Variants in UBE2R2 observed in about 807,000 individuals in gnomAD.
The protein encoded by UBE2R2 is ubiquitin conjugating enzyme E2 R2, also known as ubiquitin-conjugating enzyme E2 R2.
Under a neutral mutation model 27.8 loss-of-function variants are expected in UBE2R2, and 1 was observed. The ratio of observed to expected loss-of-function variants is 0.04; its 90% CI spans 0.01 to 0.17. UBE2R2 has a LOEUF of 0.17. Among genes scored for constraint, UBE2R2 ranks in the 10% least tolerant of loss-of-function variants. The pLI is 1.00. For missense variants in UBE2R2, 100 were observed against 291.0 expected (o/e 0.34, Z 4.78); for synonymous variants, 106 against 113.3 (o/e 0.94, Z 0.41).
At chr9:33,837,414 C>T (rs1301238843) in intron 1 of UBE2R2, among the ~76,000 whole-genome samples, 1 of 139,176 alleles carries the variant, frequency 7.2e-6, no homozygotes, top group Non-Finnish European at 1.5e-5. Context: ...TAGGCAGCTG[C>T]TGCTTCTTTT....
At chr9:33,889,733 G>A (rs1232413194) in intron 2 of UBE2R2, among the ~76,000 whole-genome samples, 1 of 152,158 alleles carries the variant, frequency 6.6e-6, no homozygotes, top group Non-Finnish European at 1.5e-5. Context: ...TGTCACCCAG[G>A]CTGGAGTGTG....
chr9:33,824,594 G>A (rs145628274), intron 1 of UBE2R2, among the ~76,000 whole-genome samples: 7 of 147,782 alleles, frequency 4.7e-5, no homozygotes, highest in South Asian at 2.2e-4. Flanking sequence ...AACTGATATC[G>A]AGGCACTGCT....
intron 1 of UBE2R2, among the ~76,000 whole-genome samples, chr9:33,819,344 G>A (rs1406778585): frequency 6.6e-6 from 1 of 152,120 alleles, no homozygotes; most frequent in Non-Finnish European, 1.5e-5. Context: ...ATTGATACAG[G>A]AATGTTTAAT....
chr9:33,863,188 CA>C (rs544206798), intron 1 of UBE2R2, among the ~76,000 whole-genome samples: 219 of 106,004 alleles, frequency 2.1e-3, no homozygotes, highest in Admixed American at 2.7e-3. Context: ...GAGACTCCCT[CA>C]AAAAAAAAAA....
chr9:33,869,756 T>C (rs1310195662), intron 1 of UBE2R2, among the ~76,000 whole-genome samples: 1 of 152,116 alleles, frequency 6.6e-6, no homozygotes, highest in Non-Finnish European at 1.5e-5. Flanking sequence ...GGCCGGGACA[T>C]AATGTTTTTT....
chr9:33,856,664 T>C (rs1408557872), intron 1 of UBE2R2, among the ~76,000 whole-genome samples: 1 of 152,056 alleles, frequency 6.6e-6, no homozygotes, highest in East Asian at 1.9e-4. Flanking sequence ...TGTGTATGAT[T>C]ACATTACCTT....
intron 2 of UBE2R2, among the ~76,000 whole-genome samples, chr9:33,891,136 GC>G (rs2065809183): frequency 6.8e-6 from 1 of 146,788 alleles, no homozygotes; most frequent in South Asian, 2.2e-4. Context: ...TGCAACCTCC[GC>G]CTCCCGGGTT....
chr9:33,818,366 GGGGGGTGGGGGT>G (rs1253110120), intron 1 of UBE2R2, among the ~76,000 whole-genome samples: 4 of 143,764 alleles, frequency 2.8e-5, no homozygotes, highest in African/African-American at 7.7e-5. Context: ...TTTCTTTTTT[GGGGGGTGGGGGT>G]GGGGGTGGGG....
chr9:33,915,584 A>T (rs774911794), intron 4 of UBE2R2, among the ~76,000 whole-genome samples: 1 of 152,224 alleles, frequency 6.6e-6, no homozygotes, highest in African/African-American at 2.4e-5. Context: ...TAGGAAGATC[A>T]GGAAGAGTGG....
At chr9:33,838,316 G>T (rs1313397189) in intron 1 of UBE2R2, among the ~76,000 whole-genome samples, 4 of 146,724 alleles carry the variant, frequency 2.7e-5, no homozygotes, top group African/African-American at 1.0e-4. Flanking sequence ...TCCACTGTTG[G>T]TAGAACCCAG....
At chr9:33,891,051 T>TTTTGTTTTTTTTTTTTG (rs1821971223) in intron 2 of UBE2R2, among the ~76,000 whole-genome samples, 1 of 139,384 alleles carries the variant, frequency 7.2e-6, no homozygotes, top group Admixed American at 7.3e-5. Context: ...TGTTGTGTTT[T>TTTTGTTTTTTTTTTTTG]TTTGTTTTTT....
intron 1 of UBE2R2, among the ~76,000 whole-genome samples, chr9:33,823,307 C>T (rs968469529): frequency 4.6e-5 from 7 of 151,840 alleles, no homozygotes; most frequent in East Asian, 1.9e-4. Context: ...CAAAGCACTG[C>T]GATTATAGGT....
chr9:33,866,379 C>T (rs1390256997), intron 1 of UBE2R2, among the ~76,000 whole-genome samples: 1 of 152,030 alleles, frequency 6.6e-6, no homozygotes, highest in Non-Finnish European at 1.5e-5. Flanking sequence ...GCTGGGACTA[C>T]AGGTGCCTGC....
chr9:33,830,500 C>T (rs1587428205), intron 1 of UBE2R2, among the ~76,000 whole-genome samples: 1 of 150,208 alleles, frequency 6.7e-6, no homozygotes, highest in South Asian at 2.2e-4. Context: ...GACGCGTTGG[C>T]TCATGCCTGT....
intron 1 of UBE2R2, among the ~76,000 whole-genome samples, chr9:33,829,840 G>C (rs1016495225): frequency 3.0e-5 from 4 of 131,800 alleles, no homozygotes; most frequent in Non-Finnish European, 6.2e-5. Flanking sequence ...TAGTTGCCCA[G>C]ACTGGAGTGC....
upstream of UBE2R2, among the ~76,000 whole-genome samples, chr9:33,815,204 C>T (rs989721211): frequency 1.3e-5 from 2 of 152,184 alleles, no homozygotes; most frequent in East Asian, 1.9e-4. Flanking sequence ...GAAACTGCCA[C>T]AGTCAAGAGG....
intron 1 of UBE2R2, among the ~76,000 whole-genome samples, chr9:33,842,086 GC>G (rs1405060806): frequency 6.6e-6 from 1 of 152,018 alleles, no homozygotes; most frequent in Non-Finnish European, 1.5e-5. Flanking sequence ...ATTTTTGCAG[GC>G]CCGGAGGCAA....
chr9:33,851,287 G>C (rs1820962059), intron 1 of UBE2R2, among the ~76,000 whole-genome samples: 1 of 152,202 alleles, frequency 6.6e-6, no homozygotes. Context: ...ATATTTTAAA[G>C]TGTATTTCCT....
intron 3 of UBE2R2, among the ~76,000 whole-genome samples, chr9:33,905,089 A>G (rs1003542707): frequency 4.6e-5 from 7 of 152,196 alleles, no homozygotes; most frequent in African/African-American, 1.7e-4. Flanking sequence ...CACCATCCCC[A>G]GAACTACTAT....
Sources: allele counts gnomAD v4.1 joint callset (sites outside exome capture counted in the v4.1 genomes callset), GRCh38; gene constraint gnomAD v4.1.1; transcripts MANE v1.5; gene names NCBI Gene and HGNC (gene_info 2026-07-23, HGNC 2026-07-21).